The following ODF2 variants were observed in gnomAD, a reference collection of about 807,000 sequenced individuals.
ODF2 encodes outer dense fiber protein 2.
ODF2 carries 47 observed loss-of-function variants against 110.2 expected under a neutral mutation model. The observed-to-expected ratio is 0.43, with a 90% CI of 0.34 to 0.54. ODF2 has a LOEUF of 0.54. ODF2 is among the 20% of genes least tolerant of loss of function. The pLI is 0.03. For synonymous variants in ODF2, 352 were observed against 397.7 expected (o/e 0.89, Z 1.37); for missense variants, 812 against 1,054.5 (o/e 0.77, Z 3.19).
rs142996766 is a variant in ODF2 at position 128,458,057 on chromosome 9, C to T, written c.32+620C>T. On this transcript the variant is annotated intron_variant, in intron 2 of 20. Transcript: ENST00000604420. ...CATTTTGATGTTGCATTATTTTCCC[C>T]AAGTGTTTGTAAAGAGGGCAAGATG... Among the ~76,000 whole-genome samples the T allele has an allele frequency of 5.3e-3, 800 of 151,988 alleles. 6 individuals are homozygous for T. Among genetic ancestry groups the T allele is most frequent in the African/African-American group, 0.018 (764 of 41,438 alleles).
At chr9:128,480,000 TG>T (rs1842108832) in intron 8 of ODF2, among the ~76,000 whole-genome samples, 1 of 152,120 alleles carries the variant, frequency 6.6e-6, no homozygotes, top group Non-Finnish European at 1.5e-5. Flanking sequence ...CACACACCTG[TG>T]GTCCCAGCTA....
chr9:128,455,937 C>T, upstream of ODF2: 1 of 1,402,670 alleles, frequency 7.1e-7, no homozygotes, highest in Non-Finnish European at 9.2e-7. Context: ...GAGACCCGGC[C>T]AGGCCCGCTG....
chr9:128,500,632 G>GT (rs11375967), downstream of ODF2: 105,142 of 162,182 alleles, frequency 0.65, 36,959 homozygotes, highest in Non-Finnish European at 0.78. Context: ...TCTCTCTCAG[G>GT]TTTTTTCTGA....
intron 14 of ODF2, 53 bp from the exon 15 acceptor site, chr9:128,492,373 G>C (rs1844779544): frequency 8.2e-7 from 1 of 1,215,318 alleles, no homozygotes; most frequent in Non-Finnish European, 1.2e-6. Context: ...AGGGTAGGAG[G>C]TCCACCTGAA....
rs750507926 is a variant in ODF2 at position 128,459,675 on chromosome 9, G to T, written c.123+18G>T. The T allele has an allele frequency of 1.9e-6, 3 of 1,585,868 alleles. No homozygotes were observed. The highest frequency in any genetic ancestry group is 2.2e-5 in the South Asian group (2 of 90,168). ...CTGTGACGGTAGGTGATGCACTCAC[G>T]TAGCAGCCCTCTTTGGTCACCTTGC... On this transcript the variant is annotated intron_variant, in intron 3 of 20. Coordinates refer to ENST00000604420, the Ensembl canonical transcript of ODF2.
intron 7 of ODF2, 175 bp downstream of exon 7, chr9:128,473,217 T>G: frequency 1.0e-6 from 1 of 985,222 alleles, no homozygotes; most frequent in Non-Finnish European, 1.2e-6. Context: ...CCTTGACCCT[T>G]GAAGATGACC....
chr9:128,482,015 T>G (rs1842496204), intron 9 of ODF2, among the ~76,000 whole-genome samples: 2 of 152,178 alleles, frequency 1.3e-5, no homozygotes, highest in South Asian at 4.1e-4. Context: ...TCTAGGAATC[T>G]CTCCCAAAGC....
At position 128,487,855 on chromosome 9, in the gene ODF2, TTCTC is replaced by T. The variant is rs756932869; in HGVS notation, c.1401-31_1401-28del. 4.0e-5 allele frequency: 64 copies of T among 1,610,026 alleles called. No individual in the cohort carries two copies. The African/African-American group carries it at 6.6e-4, about 16-fold the overall frequency. ...CACACAAACAAACCTGTGTAATTGA[TTCTC>T]TCTGTCTGCTTTCACTTTGTGATCT... On this transcript the variant is annotated intron_variant, in intron 13 of 20. Transcript: ENST00000604420.
At chr9:128,468,643 C>T (rs1588788634) in intron 4 of ODF2, among the ~76,000 whole-genome samples, 1 of 152,292 alleles carries the variant, frequency 6.6e-6, no homozygotes, top group South Asian at 2.1e-4. Flanking sequence ...CAGCCTTAGC[C>T]TCCTGAATAG....
At chr9:128,462,790 T>G (rs2131531280) in intron 4 of ODF2, among the ~76,000 whole-genome samples, 1 of 152,056 alleles carries the variant, frequency 6.6e-6, no homozygotes, top group Middle Eastern at 3.4e-3. Flanking sequence ...AGACGGGGTT[T>G]CACCGTGTTA....
chr9:128,458,835 AT>A (rs1239174983), intron 2 of ODF2, among the ~76,000 whole-genome samples: 1 of 151,208 alleles, frequency 6.6e-6, no homozygotes, highest in Non-Finnish European at 1.5e-5. Context: ...CTTTGAAAAA[AT>A]TTTTTTTTCT....
At chr9:128,470,037 ATATATATAT>A (rs2131714838) in intron 5 of ODF2, among the ~76,000 whole-genome samples, 2 of 93,042 alleles carry the variant, frequency 2.1e-5, no homozygotes, top group African/African-American at 3.7e-5. Context: ...ATATATATAT[ATATATATAT>A]AAATAAAAAA....
chr9:128,487,760 C>T, intron 13 of ODF2, 130 bp from the exon 14 acceptor site: 1 of 1,098,930 alleles, frequency 9.1e-7, no homozygotes, highest in Non-Finnish European at 1.3e-6. Context: ...GCACTCCAGC[C>T]TAGGTGACAG....
At chr9:128,456,962 C>T (rs1588666051) in intron 1 of ODF2, 2 of 1,240,318 alleles carry the variant, frequency 1.6e-6, no homozygotes, top group African/African-American at 3.1e-5. Flanking sequence ...CCCAGCATCC[C>T]CGCGGCTCCC....
intron 9 of ODF2, 79 bp from the exon 10 acceptor site, chr9:128,482,737 A>C: frequency 9.3e-7 from 1 of 1,071,710 alleles, no homozygotes; most frequent in Non-Finnish European, 1.4e-6. Context: ...GTGGCCAGGT[A>C]CTCACAAATC....
intron 3 of ODF2, chr9:128,460,576 A>T: frequency 6.2e-7 from 1 of 1,613,692 alleles, no homozygotes; most frequent in Non-Finnish European, 8.5e-7. Flanking sequence ...ACCGCTCTTC[A>T]ACTCCCCCCT....
intron 6 of ODF2, among the ~76,000 whole-genome samples, chr9:128,472,289 T>C (rs1840222213): frequency 6.6e-6 from 1 of 152,126 alleles, no homozygotes; most frequent in Non-Finnish European, 1.5e-5. Flanking sequence ...CTCACTGCAA[T>C]GTCCGCCTCC....
At chr9:128,468,888 C>G (rs1163766261) in intron 4 of ODF2, 3 of 294,138 alleles carry the variant, frequency 1.0e-5, no homozygotes, top group Non-Finnish European at 1.9e-5. Flanking sequence ...TTTTGGCTTC[C>G]CGCCTCGGCC....
intron 16 of ODF2, among the ~76,000 whole-genome samples, chr9:128,493,065 CAATTTTCTTAAAATA>C (rs1452155802): frequency 7.0e-6 from 1 of 143,782 alleles, no homozygotes; most frequent in Admixed American, 7.1e-5. Context: ...ACCTCCTTTT[CAATTTTCTTAAAATA>C]ACAACAACAA....
Sources: gnomAD v4.1 joint callset for allele counts (sites outside exome capture counted in the v4.1 genomes callset) on GRCh38, gnomAD v4.1.1 for gene constraint, MANE v1.5 for transcripts, NCBI Gene and HGNC (gene_info 2026-07-23, HGNC 2026-07-21) for gene names.